The following ADORA2B variants were observed in gnomAD, a reference collection of about 807,000 sequenced individuals.
The protein encoded by ADORA2B is adenosine A2b receptor, also known as adenosine receptor A2b.
Under a neutral mutation model 20.8 loss-of-function variants are expected in ADORA2B, and 18 were observed. The ratio of observed to expected loss-of-function variants is 0.87; its 90% CI spans 0.60 to 1.29. The LOEUF (loss-of-function observed/expected upper bound fraction) is 1.29. Among genes scored for constraint, ADORA2B ranks in the 50% most tolerant of loss-of-function variants. ADORA2B has a pLI of 0.00. For synonymous variants in ADORA2B, 179 were observed against 178.3 expected (o/e 1.00, Z -0.03); for missense variants, 441 against 422.7 (o/e 1.04, Z -0.38).
chr17:15,870,882 T>C, the ADORA2B span, among the ~76,000 whole-genome samples: 3 of 152,200 alleles, frequency 2.0e-5, no homozygotes, highest in African/African-American at 7.2e-5. Context: ...AGAGCCCCAA[T>C]AGCAGATGCG....
chr17:15,973,606 C>T (rs1970212814), intron 1 of ADORA2B, among the ~76,000 whole-genome samples: 1 of 152,194 alleles, frequency 6.6e-6, no homozygotes, highest in South Asian at 2.1e-4. Context: ...TAGGAGCTAA[C>T]CCTATTGTGA....
intron 1 of ADORA2B, chr17:15,974,208 C>CTATA: frequency 6.3e-6 from 1 of 159,008 alleles, no homozygotes; most frequent in East Asian, 1.8e-4. Context: ...TGAGTGCAGG[C>CTATA]TATAGTCTGT....
chr17:15,946,561 A>G (rs1430282225), intron 1 of ADORA2B, among the ~76,000 whole-genome samples: 5 of 152,206 alleles, frequency 3.3e-5, no homozygotes, highest in Non-Finnish European at 5.9e-5. Context: ...AGGGAAACTA[A>G]ATCACAGAGT....
At chr17:15,851,027 G>T in the ADORA2B span, among the ~76,000 whole-genome samples, 3 of 152,234 alleles carry the variant, frequency 2.0e-5, no homozygotes, top group South Asian at 6.2e-4. Flanking sequence ...TTGGAGAAAT[G>T]ATTCCTTTTT....
the ADORA2B span, among the ~76,000 whole-genome samples, chr17:15,887,339 A>T: frequency 7.6e-6 from 1 of 131,116 alleles, no homozygotes; most frequent in South Asian, 2.3e-4. Context: ...TTTAAAAAGC[A>T]AATTATTCCA....
the ADORA2B span, among the ~76,000 whole-genome samples, chr17:15,936,716 G>T: frequency 2.0e-5 from 3 of 152,210 alleles, no homozygotes; most frequent in Non-Finnish European, 2.9e-5. Context: ...AGCACTTTGG[G>T]CACCGGAGGC....
At chr17:15,861,711 T>C in the ADORA2B span, among the ~76,000 whole-genome samples, 27 of 152,144 alleles carry the variant, frequency 1.8e-4, 1 homozygote, top group African/African-American at 6.5e-4. Context: ...CCCTAAGAGG[T>C]GGTCTTTGCT....
At chr17:15,864,743 T>A in the ADORA2B span, among the ~76,000 whole-genome samples, 1 of 151,530 alleles carries the variant, frequency 6.6e-6, no homozygotes, top group African/African-American at 2.4e-5. Flanking sequence ...TTGTTTAGCA[T>A]TCCTTCCTGA....
chr17:15,907,147 CTG>C, the ADORA2B span, among the ~76,000 whole-genome samples: 1 of 152,060 alleles, frequency 6.6e-6, no homozygotes, highest in Non-Finnish European at 1.5e-5. Context: ...AGGCTTCAGT[CTG>C]TGTGTAGTCA....
intron 1 of ADORA2B, among the ~76,000 whole-genome samples, chr17:15,965,180 A>C (rs1354758851): frequency 6.6e-6 from 1 of 152,236 alleles, no homozygotes; most frequent in African/African-American, 2.4e-5. Flanking sequence ...AGTGGTTTAT[A>C]AGCTGAAGCT....
At chr17:15,946,124 C>G (rs542626091) in intron 1 of ADORA2B, among the ~76,000 whole-genome samples, 1 of 152,348 alleles carries the variant, frequency 6.6e-6, no homozygotes, top group East Asian at 1.9e-4. Context: ...GAGCCAGCTT[C>G]AGAACGTGTC....
At chr17:15,924,179 C>A in the ADORA2B span, among the ~76,000 whole-genome samples, 1 of 152,224 alleles carries the variant, frequency 6.6e-6, no homozygotes, top group East Asian at 1.9e-4. Context: ...TCCCAAAGTG[C>A]TGGGATGACA....
At chr17:15,868,568 C>T in the ADORA2B span, among the ~76,000 whole-genome samples, 16 of 134,084 alleles carry the variant, frequency 1.2e-4, no homozygotes, top group South Asian at 4.9e-4. Context: ...GTCAGGAGAT[C>T]GAGACCATCC....
chr17:15,904,315 C>T, the ADORA2B span, among the ~76,000 whole-genome samples: 2 of 150,480 alleles, frequency 1.3e-5, no homozygotes, highest in Non-Finnish European at 2.9e-5. Context: ...TTACTGTTGT[C>T]TGTAAAAACT....
At chr17:15,919,541 A>G in the ADORA2B span, among the ~76,000 whole-genome samples, 1 of 152,114 alleles carries the variant, frequency 6.6e-6, no homozygotes, top group Non-Finnish European at 1.5e-5. Context: ...TCTGTTTCCC[A>G]CCCTCAACCA....
chr17:15,882,894 A>G, the ADORA2B span, among the ~76,000 whole-genome samples: 13 of 152,148 alleles, frequency 8.5e-5, no homozygotes, highest in Non-Finnish European at 1.6e-4. Context: ...ACACCACCCA[A>G]CACCAAAGCC....
intron 1 of ADORA2B, among the ~76,000 whole-genome samples, chr17:15,959,932 TC>T (rs1316819327): frequency 5.3e-5 from 8 of 152,250 alleles, no homozygotes; most frequent in African/African-American, 1.9e-4. Flanking sequence ...TTTAATATGT[TC>T]CTTTAATCTG....
At chr17:15,964,867 C>T (rs911762628) in intron 1 of ADORA2B, among the ~76,000 whole-genome samples, 3 of 151,992 alleles carry the variant, frequency 2.0e-5, no homozygotes, top group South Asian at 2.1e-4. Flanking sequence ...CGAGACCATC[C>T]TGGCTAACAC....
At chr17:15,882,501 C>T in the ADORA2B span, among the ~76,000 whole-genome samples, 1 of 152,122 alleles carries the variant, frequency 6.6e-6, no homozygotes. Flanking sequence ...ATTGCTTGAG[C>T]CCAGAAGTTC....
Sources: allele counts gnomAD v4.1 joint callset (sites outside exome capture counted in the v4.1 genomes callset), GRCh38; gene constraint gnomAD v4.1.1; transcripts MANE v1.5; gene names NCBI Gene and HGNC (gene_info 2026-07-23, HGNC 2026-07-21).